MS4A14: variants seen among roughly 807,000 people sequenced by gnomAD.
MS4A14 encodes the protein membrane-spanning 4-domains subfamily A member 14.
Under a neutral mutation model 16.7 loss-of-function variants are expected in MS4A14, and 18 were observed. The ratio of observed to expected loss-of-function variants is 1.08; its 90% CI spans 0.75 to 1.60. The LOEUF (loss-of-function observed/expected upper bound fraction) is 1.60. Ranked by LOEUF, MS4A14 falls within the 40% of genes most tolerant of loss-of-function variation. The probability of loss-of-function intolerance (pLI) is 0.00; values close to 1 mark genes in which losing one functional copy is unlikely to be tolerated. For missense variants in MS4A14, 812 were observed against 775.3 expected (o/e 1.05, Z -0.56); for synonymous variants, 305 against 289.4 (o/e 1.05, Z -0.55).
chr11:60,414,315 T>C (rs1187763899), intron 4 of MS4A14, among the ~76,000 whole-genome samples: 1 of 152,206 alleles, frequency 6.6e-6, no homozygotes, highest in African/African-American at 2.4e-5. Flanking sequence ...GGATAAAATA[T>C]AGGTGTGAAA....
intron 4 of MS4A14, among the ~76,000 whole-genome samples, chr11:60,414,881 A>T (rs114822487): frequency 6.6e-6 from 1 of 152,232 alleles, no homozygotes; most frequent in African/African-American, 2.4e-5. Flanking sequence ...ATATAGATTA[A>T]ATATTGCCTC....
At chr11:60,400,505 C>T (rs1469098179) in intron 3 of MS4A14, 51 bp downstream of exon 3, 3 of 1,304,992 alleles carry the variant, frequency 2.3e-6, no homozygotes, top group Non-Finnish European at 3.3e-6. Context: ...TGTTTTATAT[C>T]ATCTTTATGT....
intron 4 of MS4A14, among the ~76,000 whole-genome samples, chr11:60,403,679 C>G (rs1425432412): frequency 6.6e-6 from 1 of 152,178 alleles, no homozygotes; most frequent in African/African-American, 2.4e-5. Context: ...ATTTATCTAA[C>G]AAGTAATCAG....
At position 60,400,439 on chromosome 11, in the gene MS4A14, G is replaced by C. The variant is rs1259039578; in HGVS notation, c.303G>C (p.Lys101Asn). The C allele has an allele frequency of 6.2e-7, 1 of 1,606,920 alleles. No individual in the cohort carries two copies. Among genetic ancestry groups the C allele is most frequent in the African/African-American group, 1.3e-5 (1 of 74,740 alleles). Residue 101 changes from lysine to asparagine, a missense_variant, in exon 3 of 5, where the codon AAG becomes AAC. Transcript: ENST00000300187. ...CAGGATACCTCACAGTAACCGATAA[G>C]AAATCAAAACTTCTGGTAAGCCACT... The part of the protein sequence containing the change: ...ILTGYLTVTD[K>N]KSKLLGQGVT...
At chr11:60,413,972 T>C (rs976025462) in intron 4 of MS4A14, among the ~76,000 whole-genome samples, 1 of 152,120 alleles carries the variant, frequency 6.6e-6, no homozygotes, top group Non-Finnish European at 1.5e-5. Context: ...TCTACGATAC[T>C]GGTCTGGTTA....
intron 4 of MS4A14, among the ~76,000 whole-genome samples, chr11:60,415,058 C>T (rs1437212125): frequency 1.3e-5 from 2 of 152,086 alleles, no homozygotes; most frequent in African/African-American, 2.4e-5. Flanking sequence ...AATCCCACAT[C>T]TAATTGTCTT....
At chr11:60,413,627 G>T (rs546776780) in intron 4 of MS4A14, among the ~76,000 whole-genome samples, 1 of 152,074 alleles carries the variant, frequency 6.6e-6, no homozygotes, top group South Asian at 2.1e-4. Context: ...ACTAAAATAA[G>T]TTACACTAAA....
intron 4 of MS4A14, among the ~76,000 whole-genome samples, chr11:60,410,189 G>A (rs1440380844): frequency 1.3e-5 from 2 of 152,164 alleles, no homozygotes; most frequent in African/African-American, 4.8e-5. Flanking sequence ...TGGGTGTGAA[G>A]TGGTATCTCA....
intron 3 of MS4A14, 110 bp from the exon 4 acceptor site, chr11:60,402,802 C>A: frequency 9.2e-7 from 1 of 1,089,926 alleles, no homozygotes; most frequent in South Asian, 1.5e-5. Flanking sequence ...GATGGAACAA[C>A]TCTTCCCTGA....
intron 4 of MS4A14, chr11:60,404,418 T>C: frequency 2.5e-6 from 1 of 403,326 alleles, no homozygotes; most frequent in Non-Finnish European, 4.9e-6. Context: ...AGTAATCATT[T>C]AAAAATGTAA....
In MS4A14 at chr11:60,400,433, C is replaced by A; in HGVS notation, c.297C>A (p.Thr99=). The change falls in exon 3 of 5, where the codon ACC becomes ACA. Residue 99 remains threonine (T), a synonymous_variant. Coordinates refer to ENST00000300187, the MANE Select transcript of MS4A14 (RefSeq NM_032597.5). ...IFILTGYLTV[T]DKKSKLLGQG... ...TTCTTACAGGATACCTCACAGTAAC[C>A]GATAAGAAATCAAAACTTCTGGTAA... 6.2e-7 allele frequency: 1 copy of A among 1,605,990 alleles called. No homozygotes were observed. Among genetic ancestry groups the A allele is most frequent in the East Asian group, 2.2e-5 (1 of 44,754 alleles).
At chr11:60,411,084 G>A (rs2085862718) in intron 4 of MS4A14, among the ~76,000 whole-genome samples, 1 of 152,122 alleles carries the variant, frequency 6.6e-6, no homozygotes, top group Admixed American at 6.5e-5. Flanking sequence ...GACCTCAGGT[G>A]ATCCACCCGC....
intron 4 of MS4A14, among the ~76,000 whole-genome samples, chr11:60,407,576 CATT>C (rs2085807172): frequency 6.6e-6 from 1 of 152,126 alleles, no homozygotes; most frequent in South Asian, 2.1e-4. Context: ...TGCTCCATAT[CATT>C]AACACTTGAA....
chr11:60,399,431 C>T (rs993925382), intron 2 of MS4A14, among the ~76,000 whole-genome samples: 2 of 152,076 alleles, frequency 1.3e-5, no homozygotes, highest in African/African-American at 4.8e-5. Context: ...TAAAATGAGG[C>T]TATAAAGGTA....
intron 1 of MS4A14, 28 bp from the exon 2 acceptor site, chr11:60,397,824 C>T: frequency 6.2e-7 from 1 of 1,608,764 alleles, no homozygotes; most frequent in Middle Eastern, 1.7e-4. Context: ...ATACTTGTAA[C>T]CTCATGTACC....
At chr11:60,405,817 G>A in intron 4 of MS4A14, 1 of 1,119,658 alleles carries the variant, frequency 8.9e-7, no homozygotes, top group Non-Finnish European at 1.3e-6. Context: ...GAGTGTAAGG[G>A]GTTCTCAGCT....
At chr11:60,408,715 C>G (rs1453556813) in intron 4 of MS4A14, among the ~76,000 whole-genome samples, 2 of 152,088 alleles carry the variant, frequency 1.3e-5, no homozygotes, top group Non-Finnish European at 2.9e-5. Context: ...TGTTGATGGA[C>G]ACAGATATTT....
Position 60,396,567 on chromosome 11 carries a change from T to G in MS4A14, c.-12T>G. 1 of 1,612,074 alleles carries G rather than the reference T, an allele frequency of 6.2e-7. No homozygotes were observed. The highest frequency in any genetic ancestry group is 8.5e-7 in the Non-Finnish European group (1 of 1,179,222). ...CTCACTCTTTCCCTTACTAGAGTTC[T>G]GCCATAGAATCATGGAGTCAACATC... On this transcript the variant is annotated 5_prime_UTR_variant, in exon 1 of 5. Coordinates refer to ENST00000300187, the MANE Select transcript of MS4A14 (RefSeq NM_032597.5).
intron 4 of MS4A14, among the ~76,000 whole-genome samples, chr11:60,407,038 G>A (rs116276471): frequency 0.013 from 1,375 of 104,038 alleles, 38 homozygotes; most frequent in African/African-American, 0.049. Flanking sequence ...TTTTTGAGTC[G>A]AGACCTCACT....
Sources: gnomAD v4.1 joint callset for allele counts (sites outside exome capture counted in the v4.1 genomes callset) on GRCh38, gnomAD v4.1.1 for gene constraint, MANE v1.5 for transcripts, NCBI Gene and HGNC (gene_info 2026-07-23, HGNC 2026-07-21) for gene names.